The following ZNF429 variants were observed in gnomAD, a reference collection of about 807,000 sequenced individuals.
ZNF429 encodes zinc finger protein 429.
Under a neutral mutation model 56.8 loss-of-function variants are expected in ZNF429, and 53 were observed. The ratio of observed to expected loss-of-function variants is 0.93; its 90% CI spans 0.75 to 1.17. The LOEUF (loss-of-function observed/expected upper bound fraction) is 1.17. Among genes scored for constraint, ZNF429 ranks in the 50% most tolerant of loss-of-function variants. ZNF429 has a pLI of 0.00. For missense variants in ZNF429, 849 were observed against 788.4 expected, an observed-to-expected ratio of 1.08 and a Z score of -0.92; for synonymous variants, 278 against 264.7, an observed-to-expected ratio of 1.05 and a Z score of -0.49.
intron 1 of ZNF429, among the ~76,000 whole-genome samples, chr19:21,512,927 A>G (rs1281761818): frequency 6.7e-6 from 1 of 150,232 alleles, no homozygotes; most frequent in East Asian, 2.0e-4. Flanking sequence ...GCTGGAGTGC[A>G]GTGGCGTGAT....
Position 21,530,668 on chromosome 19 carries a change from G to C in ZNF429, c.210G>C (p.Met70Ile), listed in dbSNP as rs1400556921. 1.9e-5 allele frequency: 31 copies of C among 1,608,886 alleles called. No homozygotes were observed. Among genetic ancestry groups the C allele is most frequent in the Non-Finnish European group, 2.5e-5 (30 of 1,176,798 alleles). Residue 70 changes from methionine to isoleucine, a missense_variant, in exon 3 of 4, where the codon ATG (methionine) becomes ATC (isoleucine). Met to Ile is a conservative substitution (Grantham distance 10). Transcript: ENST00000358491. The part of the protein sequence containing the change: ...KEPCKMKRHE[M>I]VDEPPVVCSH... ...CCTGCAAGATGAAGCGACATGAAAT[G>C]GTGGATGAACCCCCAGGTAGGTGAG...
At chr19:21,525,301 A>G (rs896410175) in intron 1 of ZNF429, among the ~76,000 whole-genome samples, 3 of 152,220 alleles carry the variant, frequency 2.0e-5, no homozygotes, top group South Asian at 2.1e-4. Flanking sequence ...TTATTAGTAT[A>G]TGTTATAAAA....
rs570107281 is a variant in ZNF429 at position 21,520,546 on chromosome 19, C to T, written c.4-9112C>T. ...TTTCTCTAGGACCTCATAACCATTGCTTTGTTTTTGCTTTGGGAAAGGTTT... is the reference window on the plus strand; with the variant it reads ...TTTCTCTAGGACCTCATAACCATTGTTTTGTTTTTGCTTTGGGAAAGGTTT... On this transcript the variant is annotated intron_variant, in intron 1 of 3. Transcript: ENST00000358491. Among the ~76,000 whole-genome samples the T allele has an allele frequency of 2.0e-5, 3 of 151,936 alleles. No individual in the cohort carries two copies. In the South Asian group the frequency reaches 6.2e-4, roughly 32 times the overall value.
At chr19:21,524,576 CT>C (rs1480583868) in intron 1 of ZNF429, among the ~76,000 whole-genome samples, 1 of 151,924 alleles carries the variant, frequency 6.6e-6, no homozygotes, top group Non-Finnish European at 1.5e-5. Flanking sequence ...TGTCCTTCCT[CT>C]TACCCAAGAG....
At chr19:21,512,402 G>A (rs1245030006) in intron 1 of ZNF429, among the ~76,000 whole-genome samples, 1 of 152,008 alleles carries the variant, frequency 6.6e-6, no homozygotes, top group Non-Finnish European at 1.5e-5. Context: ...GCCATGCGCG[G>A]TAATTTCAGC....
chr19:21,519,491 T>G (rs1321650692), intron 1 of ZNF429, among the ~76,000 whole-genome samples: 1 of 151,912 alleles, frequency 6.6e-6, no homozygotes, highest in Non-Finnish European at 1.5e-5. Context: ...ATAGTAAGAG[T>G]CATATGTAAG....
chr19:21,513,927 A>T (rs762464035), intron 1 of ZNF429, among the ~76,000 whole-genome samples: 26 of 147,916 alleles, frequency 1.8e-4, no homozygotes, highest in Non-Finnish European at 3.3e-4. Flanking sequence ...ACTTCACCAC[A>T]GCATTTTTGA....
At chr19:21,536,177 T>C in intron 3 of ZNF429, 103 bp from the exon 4 acceptor site, 7 of 1,201,612 alleles carry the variant, frequency 5.8e-6, no homozygotes, top group Non-Finnish European at 6.8e-6. Context: ...TTTGCTATGC[T>C]GTGTTGCTTA....
chr19:21,512,959 C>T (rs1416224899), intron 1 of ZNF429, among the ~76,000 whole-genome samples: 2 of 151,632 alleles, frequency 1.3e-5, no homozygotes, highest in Non-Finnish European at 2.9e-5. Flanking sequence ...GCAAGCTCCG[C>T]CTCCTGGGTT....
At chr19:21,529,097 G>A (rs2033275213) in intron 1 of ZNF429, 1 of 152,134 alleles carries the variant, frequency 6.6e-6, no homozygotes, top group South Asian at 2.1e-4. Flanking sequence ...AAAAAAACTG[G>A]GAAAAACACA....
intron 1 of ZNF429, among the ~76,000 whole-genome samples, chr19:21,515,568 GTGTTTTT>G (rs889638064): frequency 4.0e-5 from 6 of 151,576 alleles, no homozygotes; most frequent in African/African-American, 1.2e-4. Context: ...TTTGTGTGTG[GTGTTTTT>G]TGTTTTTTGT....
chr19:21,524,303 A>G (rs977833756), intron 1 of ZNF429, among the ~76,000 whole-genome samples: 16 of 152,192 alleles, frequency 1.1e-4, no homozygotes, highest in African/African-American at 3.4e-4. Flanking sequence ...TCCAAGGCAG[A>G]CGGATCACGA....
Position 21,535,327 on chromosome 19 carries a change from C to CTTTCTTTCTT in ZNF429, c.227-952_227-951insTTCTTTCTTT. ...TCTTTCTTTCTTTCTTTCTTTCTTT[C>CTTTCTTTCTT]TCTTTTCTTTTCTTTCCTTTCCTTT... On this transcript the variant is annotated intron_variant, in intron 3 of 3. Coordinates refer to ENST00000358491, the MANE Select transcript of ZNF429 (RefSeq NM_001001415.4). Among the ~76,000 whole-genome samples the CTTTCTTTCTT allele has an allele frequency of 8.6e-5, 10 of 116,300 alleles. 1 individual carries two copies. Among genetic ancestry groups the CTTTCTTTCTT allele is most frequent in the African/African-American group, 3.8e-4 (9 of 23,968 alleles). 76.3% of individuals were successfully genotyped at this position (116,300 alleles called of 152,430 possible).
At chr19:21,526,361 A>T (rs930642684) in intron 1 of ZNF429, among the ~76,000 whole-genome samples, 1 of 152,106 alleles carries the variant, frequency 6.6e-6, no homozygotes. Context: ...CCCAAAGTCC[A>T]TTGTACCATT....
chr19:21,512,047 A>C (rs971488111), intron 1 of ZNF429, among the ~76,000 whole-genome samples: 1 of 152,218 alleles, frequency 6.6e-6, no homozygotes, highest in African/African-American at 2.4e-5. Context: ...GCTTCGGCTC[A>C]GCATCAGAGG....
chr19:21,531,106 CAAAAAA>C, intron 3 of ZNF429, among the ~76,000 whole-genome samples: 4 of 17,560 alleles, frequency 2.3e-4, no homozygotes, highest in Non-Finnish European at 2.0e-4. Flanking sequence ...AACTCCATCT[CAAAAAA>C]AAAAAAAAAA....
chr19:21,523,105 G>C (rs957263365), intron 1 of ZNF429, among the ~76,000 whole-genome samples: 2 of 152,130 alleles, frequency 1.3e-5, no homozygotes, highest in African/African-American at 4.8e-5. Flanking sequence ...AACCAAATCA[G>C]AGTAACACGT....
intron 1 of ZNF429, among the ~76,000 whole-genome samples, chr19:21,515,918 C>T (rs1332796112): frequency 6.6e-6 from 1 of 152,046 alleles, no homozygotes; most frequent in Non-Finnish European, 1.5e-5. Context: ...TTTCTGGGCT[C>T]TCTATTCTGT....
At chr19:21,509,449 A>T (rs2032348733) in intron 1 of ZNF429, among the ~76,000 whole-genome samples, 1 of 152,212 alleles carries the variant, frequency 6.6e-6, no homozygotes, top group African/African-American at 2.4e-5. Flanking sequence ...TTTTTCGAAC[A>T]CTTAGTTTCA....
Sources: allele counts gnomAD v4.1 joint callset (sites outside exome capture counted in the v4.1 genomes callset), GRCh38; gene constraint gnomAD v4.1.1; transcripts MANE v1.5; gene names NCBI Gene and HGNC (gene_info 2026-07-23, HGNC 2026-07-21).